Variants in SDC2 observed in about 807,000 individuals in gnomAD.
SDC2 encodes the protein syndecan-2.
In SDC2, 13 loss-of-function variants were observed where a neutral mutation model predicts 22.2. The ratio of observed to expected loss-of-function variants is 0.59; its 90% confidence interval spans 0.38 to 0.93. The LOEUF (loss-of-function observed/expected upper bound fraction) is 0.93. SDC2 is among the 40% of genes least tolerant of loss of function. SDC2 has a pLI of 0.00. For synonymous variants in SDC2, 94 were observed against 92.8 expected (o/e 1.01, Z -0.07); for missense variants, 235 against 246.8 (o/e 0.95, Z 0.32).
At chr8:96,544,650 T>C (rs943257296) in intron 1 of SDC2, among the ~76,000 whole-genome samples, 3 of 152,174 alleles carry the variant, frequency 2.0e-5, no homozygotes, top group African/African-American at 7.2e-5. Context: ...TCAAGGGCAC[T>C]GGCCATTTCT....
At chr8:96,528,580 A>T (rs1813614729) in intron 1 of SDC2, among the ~76,000 whole-genome samples, 1 of 152,228 alleles carries the variant, frequency 6.6e-6, no homozygotes. Context: ...GAAACTTACT[A>T]TTTAAAGACT....
chr8:96,550,186 A>C (rs1335626730), intron 1 of SDC2, among the ~76,000 whole-genome samples: 1 of 152,218 alleles, frequency 6.6e-6, no homozygotes, highest in African/African-American at 2.4e-5. Flanking sequence ...GCCTCTCACT[A>C]GGATTTTGAT....
At chr8:96,546,031 T>C (rs1272215800) in intron 1 of SDC2, among the ~76,000 whole-genome samples, 1 of 152,164 alleles carries the variant, frequency 6.6e-6, no homozygotes, top group African/African-American at 2.4e-5. Context: ...CAGAAGAAGG[T>C]ATAGACCGCT....
At chr8:96,548,873 G>A (rs145011518) in intron 1 of SDC2, among the ~76,000 whole-genome samples, 3 of 152,312 alleles carry the variant, frequency 2.0e-5, no homozygotes, top group Non-Finnish European at 4.4e-5. Context: ...TGGTAAGTAG[G>A]CCTATGGCAG....
chr8:96,553,918 A>G (rs770406078), intron 1 of SDC2, among the ~76,000 whole-genome samples: 29 of 152,008 alleles, frequency 1.9e-4, no homozygotes, highest in Non-Finnish European at 3.8e-4. Flanking sequence ...GACTTTAGGC[A>G]TGCCATGCCC....
At chr8:96,521,365 G>C (rs138543286) in intron 1 of SDC2, among the ~76,000 whole-genome samples, 2 of 152,300 alleles carry the variant, frequency 1.3e-5, no homozygotes, top group African/African-American at 4.8e-5. Context: ...CATAAAGGCA[G>C]AACAGGCGTC....
intron 1 of SDC2, among the ~76,000 whole-genome samples, chr8:96,589,386 TTTTGTTTG>T (rs142470441): frequency 0.01 from 1,566 of 150,818 alleles, 16 homozygotes; most frequent in Middle Eastern, 0.031. Flanking sequence ...AGGACTTTTG[TTTTGTTTG>T]TTTGTTTGTT....
intron 1 of SDC2, among the ~76,000 whole-genome samples, chr8:96,533,788 T>C (rs189683032): frequency 2.0e-4 from 31 of 152,354 alleles, no homozygotes; most frequent in Non-Finnish European, 4.3e-4. Flanking sequence ...CTTCACCCAA[T>C]GGATCCTGCA....
intron 1 of SDC2, among the ~76,000 whole-genome samples, chr8:96,568,855 T>C (rs1814343599): frequency 6.6e-6 from 1 of 152,166 alleles, no homozygotes; most frequent in African/African-American, 2.4e-5. Context: ...CTATTTGGGA[T>C]AGGCAGATGT....
rs545701248 is a variant in SDC2, at chr8:96,513,065, A to G, written c.60+18734A>G. Among the ~76,000 whole-genome samples, 10 of 152,290 alleles carry G rather than the reference A, an allele frequency of 6.6e-5. No homozygotes were observed. In the South Asian group the frequency reaches 2.1e-3, roughly 32 times the overall value. The stretch of plus-strand genomic sequence containing the variant: ...AGGATTTGAGGTAATTTCCAAGACT[A>G]AGGCCTTTCTCGCAAGCTTTAGAAG... On this transcript the variant is annotated intron_variant, in intron 1 of 4. Transcript: ENST00000302190.
At chr8:96,532,217 C>T (rs1433309595) in intron 1 of SDC2, among the ~76,000 whole-genome samples, 1 of 152,064 alleles carries the variant, frequency 6.6e-6, no homozygotes, top group Non-Finnish European at 1.5e-5. Context: ...TTTTCATCAC[C>T]ATTATTAGTA....
At chr8:96,580,008 T>C (rs1283919736) in intron 1 of SDC2, among the ~76,000 whole-genome samples, 2 of 152,232 alleles carry the variant, frequency 1.3e-5, no homozygotes, top group African/African-American at 4.8e-5. Flanking sequence ...CCAGCACGAT[T>C]GATTATAGCT....
chr8:96,505,659 CTTTA>C lies in SDC2; in HGVS notation c.60+11334_60+11337del, dbSNP rs199576268. On this transcript the variant is annotated intron_variant, in intron 1 of 4. Coordinates refer to ENST00000302190, the MANE Select transcript of SDC2 (RefSeq NM_002998.4). ...ATTTACTAATGAATTAAAATCTTAA[CTTTA>C]TTTATGTCCCACTTCTGAACTCGCT... Among the ~76,000 whole-genome samples, 75 of 152,258 alleles carry C rather than the reference CTTTA, an allele frequency of 4.9e-4. No homozygotes were observed. In the East Asian group the frequency reaches 0.014, roughly 28 times the overall value.
At chr8:96,551,791 T>G (rs1438222275) in intron 1 of SDC2, among the ~76,000 whole-genome samples, 1 of 152,230 alleles carries the variant, frequency 6.6e-6, no homozygotes, top group East Asian at 1.9e-4. Context: ...TGCTTCCCCC[T>G]GTGATCCCAA....
intron 2 of SDC2, among the ~76,000 whole-genome samples, chr8:96,593,927 T>G (rs950653725): frequency 6.6e-6 from 1 of 152,174 alleles, no homozygotes; most frequent in African/African-American, 2.4e-5. Flanking sequence ...ACATTAGCTT[T>G]TAATCGTATT....
At chr8:96,543,689 C>G (rs1255428843) in intron 1 of SDC2, among the ~76,000 whole-genome samples, 1 of 152,188 alleles carries the variant, frequency 6.6e-6, no homozygotes, top group Admixed American at 6.5e-5. Flanking sequence ...CTTTCCATTT[C>G]TCTTTGGCGT....
intron 1 of SDC2, among the ~76,000 whole-genome samples, chr8:96,582,863 G>A (rs1359151646): frequency 6.6e-6 from 1 of 152,106 alleles, no homozygotes; most frequent in Non-Finnish European, 1.5e-5. Context: ...GACATGGAGT[G>A]GCTTCCTCCA....
intron 1 of SDC2, among the ~76,000 whole-genome samples, chr8:96,525,663 T>C (rs1314714749): frequency 6.6e-6 from 1 of 152,178 alleles, no homozygotes; most frequent in Non-Finnish European, 1.5e-5. Flanking sequence ...GTTAAAGGAC[T>C]TGTCCAAGAT....
At chr8:96,576,501 G>T (rs1221021385) in intron 1 of SDC2, among the ~76,000 whole-genome samples, 7 of 86,150 alleles carry the variant, frequency 8.1e-5, no homozygotes, top group South Asian at 6.1e-4. Context: ...CTCACTGCAA[G>T]CTCCGCCTCC....
Sources: allele counts gnomAD v4.1 joint callset (sites outside exome capture counted in the v4.1 genomes callset), GRCh38; gene constraint gnomAD v4.1.1; transcripts MANE v1.5; gene names NCBI Gene and HGNC (gene_info 2026-07-23, HGNC 2026-07-21).